PLEKHA7: variants seen among roughly 807,000 people sequenced by gnomAD.
The protein encoded by PLEKHA7 is pleckstrin homology domain containing A7.
Under a neutral mutation model 170.0 loss-of-function variants are expected in PLEKHA7, and 104 were observed. The ratio of observed to expected loss-of-function variants is 0.61; its 90% CI spans 0.52 to 0.72. The LOEUF (loss-of-function observed/expected upper bound fraction) is 0.72, where lower values mean the gene tolerates loss of function less well. Ranked by LOEUF, PLEKHA7 falls within the 30% of genes least tolerant of loss-of-function variation. The pLI, the probability that PLEKHA7 is intolerant of heterozygous loss-of-function variation, is 0.00. For synonymous variants in PLEKHA7, 648 were observed against 660.8 expected (o/e 0.98, Z 0.30); for missense variants, 1,615 against 1,671.7 (o/e 0.97, Z 0.59).
chr11:16,874,958 T>C (rs1855163122), intron 3 of PLEKHA7, among the ~76,000 whole-genome samples: 1 of 152,218 alleles, frequency 6.6e-6, no homozygotes, highest in Admixed American at 6.5e-5. Context: ...CCAGCTTAAA[T>C]AAACCCAGGG....
chr11:16,950,098 G>A (rs923326290), intron 3 of PLEKHA7, among the ~76,000 whole-genome samples: 6 of 134,638 alleles, frequency 4.5e-5, no homozygotes, highest in African/African-American at 5.4e-5. Flanking sequence ...GGGCGGGGGC[G>A]GAGCACAGAG....
intron 3 of PLEKHA7, among the ~76,000 whole-genome samples, chr11:16,936,184 A>G (rs1352200614): frequency 6.6e-6 from 1 of 151,824 alleles, no homozygotes; most frequent in African/African-American, 2.4e-5. Context: ...GGCGGATCAC[A>G]GGGTCAGGAG....
chr11:16,820,643 C>G (rs935635446), intron 10 of PLEKHA7, among the ~76,000 whole-genome samples: 2 of 152,202 alleles, frequency 1.3e-5, no homozygotes, highest in Admixed American at 1.3e-4. Context: ...AAAATGCAAA[C>G]TATGCAAAGC....
intron 3 of PLEKHA7, among the ~76,000 whole-genome samples, chr11:16,905,677 G>GT (rs1305771024): frequency 3.9e-5 from 6 of 152,124 alleles, no homozygotes; most frequent in Non-Finnish European, 8.8e-5. Flanking sequence ...AGATCAGTTT[G>GT]TTTTTCAACT....
rs1847864704 is a variant in PLEKHA7 at position 16,791,652 on chromosome 11, G to A, written c.2746-453C>T. On this transcript the variant is annotated intron_variant, in intron 19 of 26. Transcript: ENST00000531066. The surrounding 1 kb of genome is among the most constrained non-coding windows in gnomAD (Gnocchi z 4.5). Reference sequence around the variant, plus strand: ...GAGCCGGCTCATTGGCCCTACACGAGCTCTGGCGCCTTCAGCAAGGTGGGG... The same window carrying A: ...GAGCCGGCTCATTGGCCCTACACGAACTCTGGCGCCTTCAGCAAGGTGGGG... The A allele has an allele frequency of 2.2e-6, 1 of 459,852 alleles. No individual in the cohort carries two copies. Among genetic ancestry groups the A allele is most frequent in the Non-Finnish European group, 4.4e-6 (1 of 229,212 alleles). 28.5% of individuals were successfully genotyped at this position (459,852 alleles called of 1,614,324 possible).
chr11:17,011,876 C>T (rs1170417390), intron 3 of PLEKHA7, among the ~76,000 whole-genome samples: 1 of 152,234 alleles, frequency 6.6e-6, no homozygotes, highest in East Asian at 1.9e-4. Flanking sequence ...CCCAAACCGG[C>T]TCTTCCCATC....
Position 16,800,892 on chromosome 11 carries a change from C to T in PLEKHA7, c.2409+82G>A, listed in dbSNP as rs891997145. On this transcript the variant is annotated intron_variant, in intron 17 of 26. Coordinates refer to ENST00000531066, the MANE Select transcript of PLEKHA7 (RefSeq NM_001329630.2). ...GGACTCTGAGCAGTGCTCACAACCC[C>T]CACAGGTGAAGTCTCTTGGAAAAAC... 3.3e-6 allele frequency: 4 copies of T among 1,204,688 alleles called. No individual in the cohort carries two copies. The Admixed American group carries it at 7.1e-5, about 21-fold the overall frequency. The allele number at this position is 1,204,688 out of a possible 1,614,324, so 74.6% of individuals were successfully genotyped here. A position where few individuals can be genotyped will look rare whatever the true frequency, so the allele number is the denominator to read the frequency against.
At position 16,974,845 on chromosome 11, in the gene PLEKHA7, G is replaced by A. The variant is rs1270986116; in HGVS notation, c.221+39144C>T. On this transcript the variant is annotated intron_variant, in intron 3 of 26. Transcript: ENST00000531066. ...TTCTTTGTAGTTTTAGCCTTTTTCC[G>A]GAAAATCGGCTTAGTTTGCCCACCA... 3.5e-5 allele frequency: 28 copies of A among 793,428 alleles called. 11 individuals carry two copies. Among genetic ancestry groups the A allele is most frequent in the Non-Finnish European group, 3.8e-5 (24 of 635,370 alleles). 49.1% of individuals were successfully genotyped at this position (793,428 alleles called of 1,614,324 possible). A position where few individuals can be genotyped will look rare whatever the true frequency, so the allele number is the denominator to read the frequency against.
intron 3 of PLEKHA7, among the ~76,000 whole-genome samples, chr11:16,932,532 G>T (rs530919548): frequency 1.3e-5 from 2 of 152,172 alleles, no homozygotes; most frequent in South Asian, 4.2e-4. Flanking sequence ...CAATCCTTTT[G>T]CCTGGGCCTC....
At chr11:16,793,225 ACG>A (rs1847979866) in intron 19 of PLEKHA7, among the ~76,000 whole-genome samples, 1 of 152,168 alleles carries the variant, frequency 6.6e-6, no homozygotes, top group African/African-American at 2.4e-5. Context: ...TTTTTCCCCT[ACG>A]CCCTGTCCCA....
At chr11:16,801,907 C>T in intron 15 of PLEKHA7, 90 bp from the exon 16 acceptor site, 3 of 1,513,568 alleles carry the variant, frequency 2.0e-6, no homozygotes, top group African/African-American at 2.7e-5. Context: ...GCTACTGGAC[C>T]TAACCAAGGC....
At chr11:16,783,927 G>A in intron 24 of PLEKHA7, 94 bp from the exon 25 acceptor site, 1 of 1,235,720 alleles carries the variant, frequency 8.1e-7, no homozygotes, top group Non-Finnish European at 1.0e-6. Flanking sequence ...ACCATGGGAA[G>A]CAAGCAGAGT....
intron 3 of PLEKHA7, among the ~76,000 whole-genome samples, chr11:17,006,436 G>C (rs553176210): frequency 1.3e-5 from 2 of 150,604 alleles, no homozygotes; most frequent in East Asian, 3.9e-4. Flanking sequence ...AGGCCAGCTT[G>C]GCTAACATGG....
At chr11:16,925,833 G>A (rs551111910) in intron 3 of PLEKHA7, among the ~76,000 whole-genome samples, 2 of 152,362 alleles carry the variant, frequency 1.3e-5, no homozygotes, top group South Asian at 2.1e-4. Flanking sequence ...GCTGCCGTTC[G>A]GCCAGGACGG....
At chr11:16,971,337 T>C (rs1245144837) in intron 3 of PLEKHA7, among the ~76,000 whole-genome samples, 2 of 152,236 alleles carry the variant, frequency 1.3e-5, no homozygotes, top group South Asian at 4.1e-4. Context: ...AGTTTCCATT[T>C]CCTTAGTTAA....
At position 16,779,256 on chromosome 11, in the gene PLEKHA7, T is replaced by C. The variant is rs559617195; in HGVS notation, c.3794-236A>G. 2.6e-4 allele frequency among the ~76,000 whole-genome samples: 40 copies of C among 151,310 alleles called. 1 individual carries two copies. The South Asian group carries it at 5.5e-3, about 21-fold the overall frequency. ...TGCTGGCCCCTAAATTGGGTCCCCA[T>C]CCCGACAGGGCAAAGACTCTAATAA... On this transcript the variant is annotated intron_variant, in intron 26 of 26. Coordinates refer to ENST00000531066, the MANE Select transcript of PLEKHA7 (RefSeq NM_001329630.2).
intron 3 of PLEKHA7, chr11:17,012,941 GT>G (rs1396184460): frequency 2.0e-5 from 3 of 152,236 alleles, no homozygotes; most frequent in Non-Finnish European, 4.4e-5. Context: ...AGGTTCCGGG[GT>G]TTTCTTGAAA....
intron 3 of PLEKHA7, among the ~76,000 whole-genome samples, chr11:16,984,697 C>T (rs575112365): frequency 2.2e-4 from 33 of 152,308 alleles, no homozygotes; most frequent in Admixed American, 1.0e-3. Context: ...TTAACCATTT[C>T]GTTTGCTCTC....
At chr11:16,811,461 G>T (rs542994792) in intron 13 of PLEKHA7, among the ~76,000 whole-genome samples, 1 of 152,140 alleles carries the variant, frequency 6.6e-6, no homozygotes, top group Non-Finnish European at 1.5e-5. Context: ...GCTGAGGAAC[G>T]GGGATATGGT....
Sources: gnomAD v4.1 joint callset for allele counts (sites outside exome capture counted in the v4.1 genomes callset) on GRCh38, gnomAD v4.1.1 for gene constraint, Gnocchi (gnomAD v3.1) non-coding constraint, MANE v1.5 for transcripts, NCBI Gene and HGNC (gene_info 2026-07-23, HGNC 2026-07-21) for gene names.